BAZ2B: variants seen among roughly 807,000 people sequenced by gnomAD.
BAZ2B encodes bromodomain adjacent to zinc finger domain protein 2B.
In BAZ2B, 91 loss-of-function variants were observed where a neutral mutation model predicts 246.0. The ratio of observed to expected loss-of-function variants is 0.37; its 90% confidence interval spans 0.31 to 0.44. The LOEUF (loss-of-function observed/expected upper bound fraction) is 0.44, where lower values mean the gene tolerates loss of function less well. BAZ2B is among the 20% of genes least tolerant of loss of function. The pLI, the probability that BAZ2B is intolerant of heterozygous loss-of-function variation, is 1.00. For synonymous variants in BAZ2B, 855 were observed against 860.0 expected, an observed-to-expected ratio of 0.99 and a Z score of 0.10; for missense variants, 2,332 against 2,533.7, an observed-to-expected ratio of 0.92 and a Z score of 1.71.
intron 2 of BAZ2B, among the ~76,000 whole-genome samples, chr2:159,519,236 T>A (rs865802919): frequency 0.011 from 793 of 70,316 alleles, 1 homozygote; most frequent in Middle Eastern, 0.03. Context: ...TTTTTTTTTT[T>A]TTTTGAGACG....
intron 3 of BAZ2B, among the ~76,000 whole-genome samples, chr2:159,469,446 T>A (rs2077501815): frequency 6.6e-6 from 1 of 152,070 alleles, no homozygotes. Flanking sequence ...ATTTATTTAT[T>A]TATTTTTGAG....
chr2:159,598,219 C>T (rs1291875574), intron 1 of BAZ2B, among the ~76,000 whole-genome samples: 1 of 152,016 alleles, frequency 6.6e-6, no homozygotes. Context: ...GTCTTGAACT[C>T]CTGATCTTGT....
the BAZ2B span, among the ~76,000 whole-genome samples, chr2:159,686,846 C>T: frequency 0.011 from 1,717 of 151,952 alleles, 21 homozygotes; most frequent in East Asian, 0.04. Flanking sequence ...ATCGAGACCA[C>T]CCTGGCTAAC....
chr2:159,488,942 C>T (rs931822415), intron 2 of BAZ2B, among the ~76,000 whole-genome samples: 8 of 152,086 alleles, frequency 5.3e-5, no homozygotes, highest in Non-Finnish European at 8.8e-5. Context: ...ATTTCAGTAA[C>T]ACTAAAAAGA....
At chr2:159,518,643 AACATAATTTAAGATGACTT>A (rs2083703332) in intron 2 of BAZ2B, among the ~76,000 whole-genome samples, 1 of 152,246 alleles carries the variant, frequency 6.6e-6, no homozygotes, top group African/African-American at 2.4e-5. Flanking sequence ...ATCTTATTCC[AACATAATTTAAGATGACTT>A]ACAAAACTAT....
At chr2:159,605,473 C>CCA (rs1693263947) in intron 1 of BAZ2B, among the ~76,000 whole-genome samples, 1 of 152,122 alleles carries the variant, frequency 6.6e-6, no homozygotes, top group Non-Finnish European at 1.5e-5. Flanking sequence ...TTGGTACCTG[C>CCA]AGTATATTAA....
chr2:159,700,117 T>C, the BAZ2B span, among the ~76,000 whole-genome samples: 2 of 152,222 alleles, frequency 1.3e-5, no homozygotes, highest in South Asian at 4.1e-4. Context: ...ATAATACTAT[T>C]CATGAATTTT....
chr2:159,708,718 G>A, the BAZ2B span, among the ~76,000 whole-genome samples: 1 of 151,998 alleles, frequency 6.6e-6, no homozygotes, highest in African/African-American at 2.4e-5. Context: ...GGGATTATAG[G>A]CATGCACCAA....
chr2:159,621,111 T>A (rs1295785409), upstream of BAZ2B, among the ~76,000 whole-genome samples: 1 of 152,176 alleles, frequency 6.6e-6, no homozygotes, highest in Non-Finnish European at 1.5e-5. Context: ...GTTGCTGCAG[T>A]CATTAACTAT....
At chr2:159,467,267 G>A (rs1020046651) in intron 3 of BAZ2B, among the ~76,000 whole-genome samples, 33 of 152,270 alleles carry the variant, frequency 2.2e-4, no homozygotes, top group African/African-American at 6.3e-4. Flanking sequence ...TATCCAGCTC[G>A]ATATGGCTAG....
At chr2:159,348,557 A>G in intron 30 of BAZ2B, 121 bp downstream of exon 30, 1 of 1,191,428 alleles carries the variant, frequency 8.4e-7, no homozygotes, top group Non-Finnish European at 1.1e-6. Flanking sequence ...GATTGGTTGA[A>G]TCCATAGATG....
intron 2 of BAZ2B, among the ~76,000 whole-genome samples, chr2:159,490,653 T>C (rs963943113): frequency 1.3e-5 from 2 of 152,118 alleles, no homozygotes; most frequent in Non-Finnish European, 2.9e-5. Flanking sequence ...CCTGAGTAGC[T>C]AGGAGACCAC....
chr2:159,546,617 G>A (rs2087392074), intron 2 of BAZ2B, among the ~76,000 whole-genome samples: 1 of 150,642 alleles, frequency 6.6e-6, no homozygotes, highest in Non-Finnish European at 1.5e-5. Flanking sequence ...ATCTATTTTT[G>A]TTCTTTTCTC....
At chr2:159,622,093 C>T in the BAZ2B span, among the ~76,000 whole-genome samples, 9 of 147,422 alleles carry the variant, frequency 6.1e-5, no homozygotes, top group East Asian at 2.0e-4. Context: ...GCAACAAGAG[C>T]GAAACTCCAT....
At chr2:159,328,070 G>GAAAAA (rs1306873341) in intron 34 of BAZ2B, among the ~76,000 whole-genome samples, 389 of 49,124 alleles carry the variant, frequency 7.9e-3, no homozygotes, top group African/African-American at 0.016. Context: ...GCCTCAAAAC[G>GAAAAA]AAAAAAAAAA....
In BAZ2B at chr2:159,349,864, A is replaced by G. The variant is rs766338043; in HGVS notation, c.4707T>C (p.Asp1569=). 1.9e-6 allele frequency: 3 copies of G among 1,614,222 alleles called. No homozygotes were observed. In the South Asian group the frequency reaches 3.3e-5, roughly 18 times the overall value. Residue 1569 remains aspartate, a synonymous_variant, in exon 28 of 37, where the codon GAT becomes GAC. Coordinates refer to ENST00000392783, the MANE Select transcript of BAZ2B (RefSeq NM_013450.4). ...TATCGGCATGAGTAAGTGAAGTGTC[A>G]TCACAGGGTGTTCGTGGCAAAAGAC... is the stretch of plus-strand genomic sequence containing the variant. ...WFSLLPRTPC[D]DTSLTHADMS...
At chr2:159,411,836 G>A (rs1437899504) in intron 14 of BAZ2B, 2 of 546,078 alleles carry the variant, frequency 3.7e-6, no homozygotes, top group Non-Finnish European at 4.7e-6. Flanking sequence ...GTATTAATTT[G>A]TTATTCTGAA....
chr2:159,349,979 G>C lies in BAZ2B; in HGVS notation c.4592C>G (p.Thr1531Ser), dbSNP rs372658436. ...EKADSNNLFN[T>S]GSSGPGKFYS... Reference sequence around the variant, plus strand: ...GAACTTCCCTGGACCACTTGAACCAGTATTAAACAGATTATTAGAGTCTGC... The same window carrying C: ...GAACTTCCCTGGACCACTTGAACCACTATTAAACAGATTATTAGAGTCTGC... Residue 1531 changes from threonine to serine, a missense_variant, in exon 28 of 37, where the codon ACT (threonine) becomes AGT (serine). By Grantham distance (58) the Thr-to-Ser change is moderately conservative. Around this residue, in one of 9 missense-constraint regions of BAZ2B, gnomAD observed 676 missense variants for 668.6 expected, o/e 1.01. Coordinates refer to ENST00000392783, the MANE Select transcript of BAZ2B (RefSeq NM_013450.4). The C allele has an allele frequency of 2.5e-6, 4 of 1,614,194 alleles. No individual in the cohort carries two copies. The highest frequency in any genetic ancestry group is 2.5e-6 in the Non-Finnish European group (3 of 1,180,012).
chr2:159,634,775 A>T, the BAZ2B span, among the ~76,000 whole-genome samples: 17 of 152,352 alleles, frequency 1.1e-4, no homozygotes, highest in East Asian at 9.6e-4. Flanking sequence ...CTGTTTTACC[A>T]GTAATGTTTA....
Sources: gnomAD v4.1 joint callset for allele counts (sites outside exome capture counted in the v4.1 genomes callset) on GRCh38, gnomAD v4.1.1 for gene constraint, gnomAD v4.1.1 regional missense constraint, MANE v1.5 for transcripts, NCBI Gene and HGNC (gene_info 2026-07-23, HGNC 2026-07-21) for gene names.